The following SRGAP3 variants were observed in gnomAD, a reference collection of about 807,000 sequenced individuals.
The protein encoded by SRGAP3 is SLIT-ROBO Rho GTPase-activating protein 3.
SRGAP3 carries 39 observed loss-of-function variants against 121.1 expected under a neutral mutation model. That is an observed-to-expected ratio of 0.32 (90% confidence interval 0.25 to 0.42). The LOEUF (loss-of-function observed/expected upper bound fraction) is 0.42. Among genes scored for constraint, SRGAP3 ranks in the 10% least tolerant of loss-of-function variants. The pLI, the probability that SRGAP3 is intolerant of heterozygous loss-of-function variation, is 1.00. For synonymous variants in SRGAP3, 601 were observed against 570.0 expected, an observed-to-expected ratio of 1.05 and a Z score of -0.77; for missense variants, 1,213 against 1,470.6, an observed-to-expected ratio of 0.82 and a Z score of 2.86.
chr3:9,016,400 C>T lies in SRGAP3; in HGVS notation c.1679-669G>A, dbSNP rs765517704. 4.6e-5 allele frequency among the ~76,000 whole-genome samples: 7 copies of T among 152,108 alleles called. No individual in the cohort carries two copies. In the South Asian group the frequency reaches 1.5e-3, roughly 32 times the overall value. The stretch of plus-strand genomic sequence containing the variant: ...CCTGGCCAGTTGTCTTGTAGAATGC[C>T]TCACACTCTGGATTTGTCTGTTTTC... On this transcript the variant is annotated intron_variant, in intron 14 of 21. Coordinates refer to ENST00000383836, the MANE Select transcript of SRGAP3 (RefSeq NM_014850.4).
At chr3:9,273,625 G>A (rs937065451) in intron 3 of SRGAP3, among the ~76,000 whole-genome samples, 3 of 152,088 alleles carry the variant, frequency 2.0e-5, no homozygotes, top group African/African-American at 7.2e-5. Context: ...TTCTTTTGCT[G>A]TCTGTGCTTT....
chr3:9,115,292 T>C (rs1164876462), intron 2 of SRGAP3, among the ~76,000 whole-genome samples: 1 of 152,224 alleles, frequency 6.6e-6, no homozygotes, highest in Non-Finnish European at 1.5e-5. Flanking sequence ...ATATAGTCTT[T>C]GAAGGTTATT....
At chr3:9,277,607 C>CAA (rs35955575) in intron 3 of SRGAP3, among the ~76,000 whole-genome samples, 3,562 of 58,946 alleles carry the variant, frequency 0.06, 380 homozygotes, top group African/African-American at 0.23. Context: ...GAAGCCATCT[C>CAA]AAAAAAAAAA....
At chr3:9,113,505 T>A (rs555669913) in intron 2 of SRGAP3, among the ~76,000 whole-genome samples, 37 of 152,170 alleles carry the variant, frequency 2.4e-4, no homozygotes, top group Non-Finnish European at 4.7e-4. Flanking sequence ...ATCTGATTAC[T>A]TCTATAAAGA....
chr3:9,013,273 C>T lies in SRGAP3; in HGVS notation c.2147+35G>A, dbSNP rs370817618. 6.5e-5 allele frequency: 104 copies of T among 1,592,286 alleles called. No homozygotes were observed. In the East Asian group the frequency reaches 1.1e-3, roughly 16 times the overall value. ...TCCTATTCAATGGCAATAACAATGA[C>T]GATGATAATAATATTAAGAGGAATG... On this transcript the variant is annotated intron_variant, in intron 17 of 21. Transcript: ENST00000383836.
intron 2 of SRGAP3, among the ~76,000 whole-genome samples, chr3:9,122,609 T>C (rs1949051375): frequency 6.7e-6 from 1 of 149,646 alleles, no homozygotes; most frequent in South Asian, 2.1e-4. Flanking sequence ...CTTGGGAGGC[T>C]GAGGCAGGAG....
At chr3:8,991,285 C>T (rs1265641134) in intron 20 of SRGAP3, among the ~76,000 whole-genome samples, 1 of 152,138 alleles carries the variant, frequency 6.6e-6, no homozygotes, top group East Asian at 1.9e-4. Flanking sequence ...TTACCAGCAC[C>T]CTGCAAGCAC....
At chr3:8,994,229 T>A in intron 19 of SRGAP3, 114 bp downstream of exon 19, 1 of 1,337,650 alleles carries the variant, frequency 7.5e-7, no homozygotes, top group Admixed American at 1.7e-5. Flanking sequence ...AACAAGCGTA[T>A]GATATCAAGG....
intron 2 of SRGAP3, among the ~76,000 whole-genome samples, chr3:9,113,296 T>C (rs1191173435): frequency 6.6e-6 from 1 of 152,152 alleles, no homozygotes; most frequent in Non-Finnish European, 1.5e-5. Context: ...GGAGGATCTG[T>C]CCCAGGCCTC....
At chr3:9,151,094 G>A (rs563678965) in intron 1 of SRGAP3, among the ~76,000 whole-genome samples, 89 of 152,284 alleles carry the variant, frequency 5.8e-4, no homozygotes, top group Admixed American at 5.0e-3. Context: ...AGGAGGTGAG[G>A]GTACAGAATG....
intron 1 of SRGAP3, among the ~76,000 whole-genome samples, chr3:9,188,756 T>C (rs1467455750): frequency 6.6e-6 from 1 of 152,174 alleles, no homozygotes; most frequent in African/African-American, 2.4e-5. Flanking sequence ...TCTAAATTAA[T>C]GCGAACCCAC....
chr3:9,047,396 C>T lies in SRGAP3; in HGVS notation c.1403G>A (p.Gly468Asp), dbSNP rs748544466. ...GCCTCCACCAGCCCACTCACCTTCG[C>T]CCAGGGTCTGCTTGAGTAAATCGTG... is the stretch of plus-strand genomic sequence containing the variant. ...AKHDLLKQTLGEGERAECGTT... is the reference protein window; with the variant it reads ...AKHDLLKQTLDEGERAECGTT... The change falls in exon 10 of 22, where the codon GGC becomes GAC. Residue 468 changes from glycine to aspartate, a missense_variant. Coordinates refer to ENST00000383836, the MANE Select transcript of SRGAP3 (RefSeq NM_014850.4). 1.7e-5 allele frequency: 28 copies of T among 1,614,042 alleles called. No individual in the cohort carries two copies. The highest frequency in any genetic ancestry group is 2.3e-5 in the Non-Finnish European group (27 of 1,180,028).
intron 1 of SRGAP3, among the ~76,000 whole-genome samples, chr3:9,154,980 GTTTGT>G (rs1209825870): frequency 2.0e-5 from 3 of 146,848 alleles, no homozygotes; most frequent in Non-Finnish European, 3.0e-5. Flanking sequence ...CTCAGAGGTG[GTTTGT>G]TTTATGTTTT....
chr3:9,171,974 C>T (rs907503316), intron 1 of SRGAP3, among the ~76,000 whole-genome samples: 2 of 152,102 alleles, frequency 1.3e-5, no homozygotes, highest in East Asian at 1.9e-4. Context: ...CGTCTCCTGC[C>T]GTATCTCTGG....
intron 18 of SRGAP3, among the ~76,000 whole-genome samples, chr3:8,996,763 G>A (rs548492586): frequency 3.3e-5 from 5 of 152,350 alleles, no homozygotes; most frequent in South Asian, 2.1e-4. Context: ...CAGAAAGGCC[G>A]GAGGGTTTGC....
chr3:9,301,052 C>A (rs572371690), intron 3 of SRGAP3, among the ~76,000 whole-genome samples: 21 of 152,280 alleles, frequency 1.4e-4, no homozygotes, highest in African/African-American at 4.8e-4. Flanking sequence ...TAAAAAAGGG[C>A]TTAAATCTGG....
At chr3:9,153,131 T>C (rs1297732633) in intron 1 of SRGAP3, among the ~76,000 whole-genome samples, 2 of 152,216 alleles carry the variant, frequency 1.3e-5, no homozygotes, top group Admixed American at 6.5e-5. Context: ...AAACTCTTGT[T>C]ACCTCACCCA....
chr3:9,357,054 G>A (rs2030554654), intron 1 of SRGAP3, among the ~76,000 whole-genome samples: 1 of 151,968 alleles, frequency 6.6e-6, no homozygotes, highest in African/African-American at 2.4e-5. Flanking sequence ...CTTGAGCTCA[G>A]GAGTTCAAGA....
rs747898008 is a variant in SRGAP3, at chr3:9,013,355, T to C, written c.2100A>G (p.Leu700=). Residue 700 remains leucine (L), a synonymous_variant, in exon 17 of 22, where the codon CTA becomes CTG. Transcript: ENST00000383836. ...TGCATTTTTCATACACAGGTCCCTC[T>C]AGCTCCCGGGGGCTGGGGAAGATGG... The part of the protein sequence containing the change: ...HEAIFPSPRE[L]EGPVYEKCMA... 4.3e-6 allele frequency: 7 copies of C among 1,614,042 alleles called. No homozygotes were observed. The South Asian group carries it at 4.4e-5, about 10-fold the overall frequency.
Sources: allele counts gnomAD v4.1 joint callset (sites outside exome capture counted in the v4.1 genomes callset), GRCh38; gene constraint gnomAD v4.1.1; transcripts MANE v1.5; gene names NCBI Gene and HGNC (gene_info 2026-07-23, HGNC 2026-07-21).